CTNNA2: variants seen among roughly 807,000 people sequenced by gnomAD.
CTNNA2 encodes catenin alpha-2.
In CTNNA2, 42 loss-of-function variants were observed where a neutral mutation model predicts 101.0. The observed-to-expected ratio is 0.42, with a 90% confidence interval of 0.32 to 0.54. The LOEUF is 0.54. Among genes scored for constraint, CTNNA2 ranks in the 20% least tolerant of loss-of-function variants. The pLI is 0.14. For synonymous variants in CTNNA2, 450 were observed against 456.4 expected, an observed-to-expected ratio of 0.99 and a Z score of 0.18; for missense variants, 871 against 1,223.1, an observed-to-expected ratio of 0.71 and a Z score of 4.29.
At chr2:80,080,708 G>A (rs1250434610) in intron 7 of CTNNA2, among the ~76,000 whole-genome samples, 1 of 152,062 alleles carries the variant, frequency 6.6e-6, no homozygotes, top group Non-Finnish European at 1.5e-5. Context: ...CCTATTTGTA[G>A]CACATCAAAT....
rs538992921 is a variant in CTNNA2, at chr2:80,368,847, ATG to A, written c.1057-24344_1057-24343del. Among the ~76,000 whole-genome samples, 104 of 134,590 alleles carry A rather than the reference ATG, an allele frequency of 7.7e-4. No individual in the cohort carries two copies. In the Middle Eastern group the frequency reaches 0.011, roughly 14 times the overall value. 88.3% of individuals were successfully genotyped at this position (134,590 alleles called of 152,430 possible). A position where few individuals can be genotyped will look rare whatever the true frequency, so the allele number is the denominator to read the frequency against. The stretch of plus-strand genomic sequence containing the variant: ...TATATATATATGTGTGTGTGTATAT[ATG>A]TGTGTGTGTGTGTGTGTGTATATAT... On this transcript the variant is annotated intron_variant, in intron 7 of 18. Coordinates refer to ENST00000402739, the MANE Select transcript of CTNNA2 (RefSeq NM_001282597.3).
intron 7 of CTNNA2, among the ~76,000 whole-genome samples, chr2:80,319,246 T>C (rs1678445089): frequency 6.6e-6 from 1 of 152,212 alleles, no homozygotes; most frequent in African/African-American, 2.4e-5. Flanking sequence ...TAATTGGTAT[T>C]TGAAGGATGT....
At chr2:79,505,329 C>G (rs536364022) in intron 5 of CTNNA2, 1 of 152,142 alleles carries the variant, frequency 6.6e-6, no homozygotes, top group Non-Finnish European at 1.5e-5. Flanking sequence ...TTAAATTCTA[C>G]GTGTTTGAAC....
chr2:80,640,511 G>T (rs1280087128), intron 18 of CTNNA2, among the ~76,000 whole-genome samples: 3 of 152,174 alleles, frequency 2.0e-5, no homozygotes, highest in African/African-American at 7.2e-5. Context: ...TTTTCACCAT[G>T]TCTTTGTTTG....
At chr2:79,662,688 C>A (rs962730129) in intron 2 of CTNNA2, among the ~76,000 whole-genome samples, 1 of 152,256 alleles carries the variant, frequency 6.6e-6, no homozygotes, top group East Asian at 1.9e-4. Flanking sequence ...CATGTCAACA[C>A]ACTGGCTTAT....
intron 2 of CTNNA2, among the ~76,000 whole-genome samples, chr2:79,199,836 G>A (rs981759665): frequency 2.0e-5 from 3 of 152,054 alleles, no homozygotes; most frequent in East Asian, 1.9e-4. Context: ...TGAGTAGCTG[G>A]GACTACAGAT....
At position 80,013,953 on chromosome 2, in the gene CTNNA2, A is replaced by C. The variant is rs115310685; in HGVS notation, c.1056+104156A>C. Among the ~76,000 whole-genome samples, 864 of 152,164 alleles carry C rather than the reference A, an allele frequency of 5.7e-3. 10 individuals carry two copies. Among genetic ancestry groups the C allele is most frequent in the African/African-American group, 0.019 (806 of 41,524 alleles). On this transcript the variant is annotated intron_variant, in intron 7 of 18. Coordinates refer to ENST00000402739, the MANE Select transcript of CTNNA2 (RefSeq NM_001282597.3). ...GGCACTTGTTGAGTGCAGTCTCTTT[A>C]TTTGCAGGAGGAAAAAATCTGAAGT... is the stretch of plus-strand genomic sequence containing the variant.
At chr2:80,375,788 C>A (rs1390124545) in intron 7 of CTNNA2, among the ~76,000 whole-genome samples, 2 of 151,908 alleles carry the variant, frequency 1.3e-5, no homozygotes, top group African/African-American at 4.8e-5. Context: ...TGGTCTCGAT[C>A]TCCTGACCTC....
chr2:79,687,877 A>G (rs979218139), intron 2 of CTNNA2: 4 of 342,468 alleles, frequency 1.2e-5, no homozygotes, highest in African/African-American at 6.5e-5. Context: ...CGGAATAGAT[A>G]AGATATGAAG....
chr2:79,627,025 C>T (rs1679355779), intron 1 of CTNNA2, among the ~76,000 whole-genome samples: 1 of 151,986 alleles, frequency 6.6e-6, no homozygotes, highest in Admixed American at 6.6e-5. Flanking sequence ...ATTGCCTGTC[C>T]CTAGGTCTCA....
At chr2:79,352,311 G>C (rs1472095869) in intron 3 of CTNNA2, among the ~76,000 whole-genome samples, 2 of 151,730 alleles carry the variant, frequency 1.3e-5, no homozygotes, top group African/African-American at 2.4e-5. Flanking sequence ...GTTCAATCTT[G>C]AGAGATTGTG....
intron 7 of CTNNA2, among the ~76,000 whole-genome samples, chr2:80,036,629 A>G (rs527904996): frequency 1.8e-4 from 28 of 152,218 alleles, no homozygotes; most frequent in South Asian, 6.2e-4. Context: ...GAACAAAAGT[A>G]AATAAAAATA....
At chr2:80,229,602 T>C (rs557082363) in intron 7 of CTNNA2, among the ~76,000 whole-genome samples, 1 of 152,162 alleles carries the variant, frequency 6.6e-6, no homozygotes, top group Non-Finnish European at 1.5e-5. Context: ...ACCTGGCAGC[T>C]CCCTGAACTC....
intron 7 of CTNNA2, among the ~76,000 whole-genome samples, chr2:80,056,119 G>C (rs145489955): frequency 1.6e-3 from 244 of 152,272 alleles, no homozygotes; most frequent in African/African-American, 5.4e-3. Context: ...TTTCTGATGA[G>C]GATTGTACAG....
chr2:80,533,222 G>A (rs572928475), intron 9 of CTNNA2, among the ~76,000 whole-genome samples: 1 of 152,280 alleles, frequency 6.6e-6, no homozygotes, highest in South Asian at 2.1e-4. Context: ...GAAGGTGTTT[G>A]GAAGAGATCT....
chr2:79,926,637 T>A (rs1354900569), intron 7 of CTNNA2, among the ~76,000 whole-genome samples: 1 of 152,014 alleles, frequency 6.6e-6, no homozygotes, highest in Non-Finnish European at 1.5e-5. Context: ...ATGTGTATAG[T>A]TATTATAGTA....
chr2:80,592,306 T>A (rs951329283), intron 15 of CTNNA2, among the ~76,000 whole-genome samples: 1 of 152,160 alleles, frequency 6.6e-6, no homozygotes, highest in African/African-American at 2.4e-5. Flanking sequence ...GTTCCAATTC[T>A]CTACTCATCC....
chr2:79,798,690 C>T (rs1675915777), intron 3 of CTNNA2, among the ~76,000 whole-genome samples: 1 of 150,396 alleles, frequency 6.6e-6, no homozygotes, highest in African/African-American at 2.5e-5. Flanking sequence ...ATCTTTATCA[C>T]TAATTGAAGA....
At chr2:79,986,508 C>T (rs1691773707) in intron 7 of CTNNA2, among the ~76,000 whole-genome samples, 1 of 152,098 alleles carries the variant, frequency 6.6e-6, no homozygotes, top group Admixed American at 6.5e-5. Flanking sequence ...CATTCTGCAG[C>T]ATTATATAAT....
Sources: gnomAD v4.1 joint callset for allele counts (sites outside exome capture counted in the v4.1 genomes callset) on GRCh38, gnomAD v4.1.1 for gene constraint, MANE v1.5 for transcripts, NCBI Gene and HGNC (gene_info 2026-07-23, HGNC 2026-07-21) for gene names.